HMGN5: variants seen among roughly 807,000 people sequenced by gnomAD.
HMGN5 encodes high mobility group nucleosome-binding domain-containing protein 5.
In HMGN5, 4 loss-of-function variants were observed where a neutral mutation model predicts 9.5. The observed-to-expected ratio is 0.42, with a 90% confidence interval of 0.21 to 0.96. The LOEUF is 0.96. Among genes scored for constraint, HMGN5 ranks in the 40% least tolerant of loss-of-function variants. HMGN5 has a pLI of 0.30. For synonymous variants in HMGN5, 55 were observed against 57.1 expected, an observed-to-expected ratio of 0.96 and a Z score of 0.16; for missense variants, 192 against 187.5, an observed-to-expected ratio of 1.02 and a Z score of -0.14.
At chrX:81,154,560 T>C (rs2075377698) in intron 1 of HMGN5, among the ~76,000 whole-genome samples, 1 of 110,034 alleles carries the variant, frequency 9.1e-6, no homozygotes, top group Non-Finnish European at 1.9e-5. Context: ...AAAGAAACAA[T>C]CAACAAAGTA....
At chrX:81,188,892 G>T (rs1293619105) in intron 1 of HMGN5, among the ~76,000 whole-genome samples, 1 of 111,155 alleles carries the variant, frequency 9.0e-6, no homozygotes, top group Non-Finnish European at 1.9e-5. Flanking sequence ...GACATTTAAG[G>T]TAAGAGTAGT....
At chrX:81,142,131 A>T (rs965112811) in intron 1 of HMGN5, among the ~76,000 whole-genome samples, 6 of 111,820 alleles carry the variant, frequency 5.4e-5, no homozygotes, top group Non-Finnish European at 1.1e-4. Context: ...AGTGAATTTG[A>T]GGACAGGGTA....
At chrX:81,157,446 AGTT>A (rs950717098) in intron 1 of HMGN5, among the ~76,000 whole-genome samples, 5 of 111,975 alleles carry the variant, frequency 4.5e-5, no homozygotes, top group African/African-American at 1.6e-4. Flanking sequence ...GATCTATAAC[AGTT>A]GTTCACATAA....
chrX:81,190,838 A>G (rs1241638510), intron 1 of HMGN5, among the ~76,000 whole-genome samples: 4 of 111,252 alleles, frequency 3.6e-5, no homozygotes, highest in Non-Finnish European at 7.5e-5. Flanking sequence ...GAACTACCTT[A>G]TTAGCTCAAT....
At chrX:81,188,735 T>C (rs1361780630) in intron 1 of HMGN5, among the ~76,000 whole-genome samples, 1 of 110,325 alleles carries the variant, frequency 9.1e-6, no homozygotes. Flanking sequence ...TGTTTGGTTT[T>C]TTGTCCCTGC....
intron 1 of HMGN5, among the ~76,000 whole-genome samples, chrX:81,200,123 A>G (rs776158215): frequency 1.8e-5 from 2 of 112,985 alleles, no homozygotes; most frequent in Admixed American, 1.9e-4. Context: ...ATATGCAAAA[A>G]TGCTCATCAT....
chrX:81,178,863 C>T (rs1398918237), intron 1 of HMGN5, among the ~76,000 whole-genome samples: 1 of 111,620 alleles, frequency 9.0e-6, no homozygotes, highest in African/African-American at 3.3e-5. Context: ...ACAATCAGGA[C>T]TGCTTCATCC....
At chrX:81,134,681 A>G (rs1308023390) in intron 1 of HMGN5, among the ~76,000 whole-genome samples, 1 of 111,545 alleles carries the variant, frequency 9.0e-6, no homozygotes, top group Non-Finnish European at 1.9e-5. Flanking sequence ...GTACCCTTGG[A>G]AAATAAAAAT....
intron 1 of HMGN5, among the ~76,000 whole-genome samples, chrX:81,190,597 A>C (rs919157159): frequency 1.8e-5 from 2 of 111,551 alleles, no homozygotes; most frequent in African/African-American, 6.5e-5. Context: ...GTTACGGATT[A>C]TTTCTTTTAT....
intron 1 of HMGN5, among the ~76,000 whole-genome samples, chrX:81,136,368 T>C (rs1314730852): frequency 9.0e-6 from 1 of 111,379 alleles, no homozygotes; most frequent in Non-Finnish European, 1.9e-5. Context: ...AAAAATAGCA[T>C]TATCTGATGT....
At chrX:81,133,272 C>T (rs2075302613) in intron 1 of HMGN5, among the ~76,000 whole-genome samples, 1 of 111,555 alleles carries the variant, frequency 9.0e-6, no homozygotes, top group Admixed American at 9.5e-5. Context: ...TAAATTAGTT[C>T]AACCATTGTG....
chrX:81,150,346 C>A (rs1031980232), intron 1 of HMGN5, among the ~76,000 whole-genome samples: 4 of 111,086 alleles, frequency 3.6e-5, no homozygotes, highest in African/African-American at 1.3e-4. Context: ...GGTGGATCAC[C>A]TGAGGTCAGG....
At chrX:81,157,210 G>T in intron 1 of HMGN5, among the ~76,000 whole-genome samples, 1 of 111,875 alleles carries the variant, frequency 8.9e-6, no homozygotes, top group Non-Finnish European at 1.9e-5. Flanking sequence ...AAAGCAGGAG[G>T]GCTTAGCTGA....
At chrX:81,145,524 C>T (rs780602349) in intron 1 of HMGN5, among the ~76,000 whole-genome samples, 1 of 112,081 alleles carries the variant, frequency 8.9e-6, no homozygotes, top group South Asian at 3.7e-4. Context: ...AAAGGAACAA[C>T]GAGTGCCAGC....
rs1404961347 is a variant in HMGN5 at position 81,128,368 on chromosome X, A to C, written c.-123-6696T>G. On this transcript the variant is annotated intron_variant, in intron 1 of 6. Transcript: ENST00000358130. ...TATTTTCATTATTTCCAATAAACTA[A>C]GCATATCTTTGGAACTCCTTCCCTT... Among the ~76,000 whole-genome samples, 4 of 111,411 alleles carry C rather than the reference A, an allele frequency of 3.6e-5. No homozygotes were observed. The East Asian group carries it at 1.1e-3, about 31-fold the overall frequency.
At chrX:81,189,340 G>A (rs1403512731) in intron 1 of HMGN5, among the ~76,000 whole-genome samples, 1 of 110,535 alleles carries the variant, frequency 9.0e-6, no homozygotes, top group Admixed American at 9.7e-5. Context: ...GTCTCCTCTG[G>A]CTGTGTGTTT....
chrX:81,141,992 T>C (rs1389544926), intron 1 of HMGN5, among the ~76,000 whole-genome samples: 1 of 111,892 alleles, frequency 8.9e-6, no homozygotes, highest in Non-Finnish European at 1.9e-5. Context: ...TTCTATCAGA[T>C]AAATTTAACA....
intron 1 of HMGN5, among the ~76,000 whole-genome samples, chrX:81,144,436 A>G (rs372450613): frequency 5.4e-5 from 6 of 111,739 alleles, no homozygotes; most frequent in Admixed American, 1.9e-4. Flanking sequence ...ATTAACAAAC[A>G]GAAAGGAATA....
At chrX:81,128,724 T>C in intron 1 of HMGN5, among the ~76,000 whole-genome samples, 1 of 111,657 alleles carries the variant, frequency 9.0e-6, no homozygotes, top group South Asian at 3.7e-4. Flanking sequence ...CTGTGAAAAA[T>C]ATTAATATTT....
Sources: allele counts gnomAD v4.1 joint callset (sites outside exome capture counted in the v4.1 genomes callset), GRCh38; gene constraint gnomAD v4.1.1; transcripts MANE v1.5; gene names NCBI Gene and HGNC (gene_info 2026-07-23, HGNC 2026-07-21).